NIPBL: variants seen among roughly 807,000 people sequenced by gnomAD.
The protein encoded by NIPBL is nipped-B-like protein.
NIPBL carries 19 observed loss-of-function variants against 321.8 expected under a neutral mutation model. The ratio of observed to expected loss-of-function variants is 0.06; its 90% CI spans 0.04 to 0.09. The LOEUF is 0.09. Ranked by LOEUF, NIPBL falls within the 10% of genes least tolerant of loss-of-function variation. The probability of loss-of-function intolerance (pLI) is 1.00; values close to 1 mark genes in which losing one functional copy is unlikely to be tolerated. For missense variants in NIPBL, 2,210 were observed against 3,327.0 expected (o/e 0.66, Z 8.26); for synonymous variants, 1,106 against 1,114.1 (o/e 0.99, Z 0.14).
chr5:37,005,952 A>G (rs1175598461), intron 16 of NIPBL, among the ~76,000 whole-genome samples: 2 of 152,170 alleles, frequency 1.3e-5, no homozygotes, highest in African/African-American at 4.8e-5. Flanking sequence ...ACCCTTTGTC[A>G]TTAATTTTTG....
chr5:37,024,089 T>C (rs2149701632), intron 29 of NIPBL, among the ~76,000 whole-genome samples: 1 of 151,760 alleles, frequency 6.6e-6, no homozygotes, highest in African/African-American at 2.4e-5. Context: ...CGCTTGAGCC[T>C]GGGAGGCAGA....
chr5:36,982,013 A>G (rs1744205790), intron 9 of NIPBL, among the ~76,000 whole-genome samples: 1 of 151,754 alleles, frequency 6.6e-6, no homozygotes, highest in African/African-American at 2.4e-5. Context: ...TCACTTGTAG[A>G]TTTAAGTAAG....
intron 23 of NIPBL, among the ~76,000 whole-genome samples, 197 bp downstream of exon 23, chr5:37,016,367 T>G (rs1050702758): frequency 1.3e-5 from 2 of 152,240 alleles, no homozygotes; most frequent in African/African-American, 2.4e-5. Context: ...AGTTTGGTGC[T>G]TTCATTTCAT....
intron 9 of NIPBL, 144 bp downstream of exon 9, chr5:36,976,546 TA>T: frequency 1.3e-6 from 1 of 751,016 alleles, no homozygotes; most frequent in Non-Finnish European, 2.1e-6. Flanking sequence ...CTAATACTCA[TA>T]ATGCAGAAGT....
In NIPBL at chr5:36,986,317, CTGA is replaced by C. The variant is rs1159978588; in HGVS notation, c.3121+19_3121+21del. The C allele has an allele frequency of 7.0e-7, 1 of 1,434,552 alleles. No homozygotes were observed. The highest frequency in any genetic ancestry group is 9.2e-7 in the Non-Finnish European group (1 of 1,081,436). The allele number at this position is 1,434,552 out of a possible 1,614,324, so 88.9% of individuals were successfully genotyped here. A position where few individuals can be genotyped will look rare whatever the true frequency, so the allele number is the denominator to read the frequency against. ...TCAAATAAAGGTAAGAATACTTCTA[CTGA>C]TGTCATTTATAATATAATCGATTTT... On this transcript the variant is annotated intron_variant, in intron 10 of 46. Coordinates refer to ENST00000282516, the MANE Select transcript of NIPBL (RefSeq NM_133433.4).
chr5:37,020,999 T>G (rs1749563238), intron 27 of NIPBL, 122 bp downstream of exon 27: 1 of 852,204 alleles, frequency 1.2e-6, no homozygotes, highest in Admixed American at 1.8e-5. Flanking sequence ...AGATGTAGTA[T>G]TTGTTTTTAG....
At chr5:36,883,065 T>C (rs894806400) in intron 1 of NIPBL, among the ~76,000 whole-genome samples, 2 of 152,062 alleles carry the variant, frequency 1.3e-5, no homozygotes, top group African/African-American at 4.8e-5. Context: ...TCTCAGGCTA[T>C]AACAATACTG....
intron 39 of NIPBL, 119 bp downstream of exon 39, chr5:37,048,794 C>A: frequency 1.2e-6 from 1 of 856,086 alleles, no homozygotes; most frequent in Non-Finnish European, 1.9e-6. Flanking sequence ...AGTTAAATAG[C>A]AGTCCTTATG....
rs187768025 is a variant in NIPBL, at chr5:37,022,418, G to A, written c.5574+28G>A. Reference sequence around the variant, plus strand: ...ATGTTTGTCATTTTTATAATGATTCGTGAATATAATTTTGCCTTTCAAGCA... The same window carrying A: ...ATGTTTGTCATTTTTATAATGATTCATGAATATAATTTTGCCTTTCAAGCA... On this transcript the variant is annotated intron_variant, in intron 29 of 46. Coordinates refer to ENST00000282516, the MANE Select transcript of NIPBL (RefSeq NM_133433.4). 273 of 1,578,208 alleles carry A rather than the reference G, an allele frequency of 1.7e-4. No individual in the cohort carries two copies. In the African/African-American group the frequency reaches 3.0e-3, roughly 17 times the overall value.
At chr5:37,060,808 A>C in intron 44 of NIPBL, 36 bp from the exon 45 acceptor site, 1 of 1,575,510 alleles carries the variant, frequency 6.3e-7, no homozygotes, top group Non-Finnish European at 8.7e-7. Flanking sequence ...TTGTTTCCAT[A>C]GTTTTAAAGT....
rs116079260 is a variant in NIPBL, at chr5:36,979,451, C to T, written c.1495+3049C>T. Among the ~76,000 whole-genome samples the T allele has an allele frequency of 4.2e-3, 633 of 151,834 alleles. 4 individuals are homozygous for T. The highest frequency in any genetic ancestry group is 0.015 in the African/African-American group (611 of 41,474). On this transcript the variant is annotated intron_variant, in intron 9 of 46. Transcript: ENST00000282516. ...GGTACAATTATTTTGTATCCTAAAG[C>T]TTTATTGAAGTTATCAGGTCTATGA...
chr5:36,954,669 T>C (rs777452861), intron 2 of NIPBL, among the ~76,000 whole-genome samples: 39 of 152,296 alleles, frequency 2.6e-4, no homozygotes, highest in Non-Finnish European at 4.1e-4. Context: ...GGAAGCCCTG[T>C]TCATTAAGTA....
chr5:37,027,402 T>A lies in NIPBL; in HGVS notation c.5852T>A (p.Leu1951Gln). ...ACTGGATATGACTGGTTTGAGCAAC[T>A]GCTTCAAAACGTGAGTGTTCTTTTG... is the stretch of plus-strand genomic sequence containing the variant. ...RDTGYDWFEQ[L>Q]LQNLLKSEED... Residue 1951 changes from leucine to glutamine, a missense_variant, in exon 32 of 47, where the codon CTG becomes CAG. Coordinates refer to ENST00000282516, the MANE Select transcript of NIPBL (RefSeq NM_133433.4). 6.2e-7 allele frequency: 1 copy of A among 1,612,892 alleles called. No homozygotes were observed. Among genetic ancestry groups the A allele is most frequent in the Non-Finnish European group, 8.5e-7 (1 of 1,179,020 alleles).
intron 2 of NIPBL, among the ~76,000 whole-genome samples, chr5:36,954,247 T>C (rs1740702593): frequency 6.6e-6 from 1 of 152,178 alleles, no homozygotes; most frequent in Non-Finnish European, 1.5e-5. Context: ...TTTCTTTGGA[T>C]AGCATTATGC....
intron 9 of NIPBL, among the ~76,000 whole-genome samples, chr5:36,983,896 A>G (rs899094889): frequency 2.0e-5 from 3 of 152,064 alleles, no homozygotes; most frequent in Non-Finnish European, 2.9e-5. Context: ...ATAACTTTAT[A>G]TCGAAGAGTA....
At chr5:36,878,469 G>C (rs2149512326) in intron 1 of NIPBL, among the ~76,000 whole-genome samples, 1 of 152,314 alleles carries the variant, frequency 6.6e-6, no homozygotes, top group East Asian at 1.9e-4. Flanking sequence ...CAAATTGCTA[G>C]AAAAGTGTAC....
intron 1 of NIPBL, among the ~76,000 whole-genome samples, chr5:36,895,380 A>G (rs1041799746): frequency 1.3e-5 from 2 of 152,174 alleles, no homozygotes; most frequent in Admixed American, 6.5e-5. Context: ...TGATGGACGC[A>G]TGGATTGTTT....
At chr5:36,993,586 T>C (rs1375057563) in intron 10 of NIPBL, among the ~76,000 whole-genome samples, 3 of 152,122 alleles carry the variant, frequency 2.0e-5, no homozygotes, top group Non-Finnish European at 4.4e-5. Flanking sequence ...AAGGAAAATA[T>C]TAATTCTGGG....
rs727504038 is a variant in NIPBL, at chr5:36,970,962, A to G, written c.697A>G (p.Asn233Asp). The G allele has an allele frequency of 1.2e-6, 2 of 1,613,296 alleles. No homozygotes were observed. Among genetic ancestry groups the G allele is most frequent in the East Asian group, 2.2e-5 (1 of 44,862 alleles). ...VSGPLSGNSA[N>D]HHADNPRHGS... Reference sequence around the variant, plus strand: ...TGGTCCGTTGTCTGGCAATTCAGCTAATCATCATGCTGATAATCCTAGACA... The same window carrying G: ...TGGTCCGTTGTCTGGCAATTCAGCTGATCATCATGCTGATAATCCTAGACA... Residue 233 changes from asparagine (N) to aspartate (D), a missense_variant, in exon 7 of 47, where the codon AAT becomes GAT. By Grantham distance (23) the Asn-to-Asp change is conservative. Coordinates refer to ENST00000282516, the MANE Select transcript of NIPBL (RefSeq NM_133433.4).
Sources: gnomAD v4.1 joint callset for allele counts (sites outside exome capture counted in the v4.1 genomes callset) on GRCh38, gnomAD v4.1.1 for gene constraint, MANE v1.5 for transcripts, NCBI Gene and HGNC (gene_info 2026-07-23, HGNC 2026-07-21) for gene names.